Variants in KIF13B observed in about 807,000 individuals in gnomAD.
KIF13B encodes the protein kinesin-like protein KIF13B.
In KIF13B, 127 loss-of-function variants were observed where a neutral mutation model predicts 222.0. The observed-to-expected ratio is 0.57, with a 90% CI of 0.50 to 0.66. The LOEUF (loss-of-function observed/expected upper bound fraction) is 0.66. Among genes scored for constraint, KIF13B ranks in the 30% least tolerant of loss-of-function variants. The probability of loss-of-function intolerance (pLI) is 0.00; values close to 1 mark genes in which losing one functional copy is unlikely to be tolerated. For synonymous variants in KIF13B, 976 were observed against 919.0 expected (o/e 1.06, Z -1.12); for missense variants, 2,173 against 2,379.0 (o/e 0.91, Z 1.80).
chr8:29,133,410 GA>G (rs1196962826), intron 22 of KIF13B, among the ~76,000 whole-genome samples: 2 of 152,182 alleles, frequency 1.3e-5, no homozygotes, highest in African/African-American at 4.8e-5. Context: ...CCAACACGGT[GA>G]AACCTTGTCT....
At chr8:29,183,686 A>C (rs1021974084) in intron 6 of KIF13B, among the ~76,000 whole-genome samples, 2 of 152,332 alleles carry the variant, frequency 1.3e-5, no homozygotes, top group Non-Finnish European at 2.9e-5. Context: ...AGTTCCTAGC[A>C]CAAGTCCTGG....
In KIF13B at chr8:29,187,997, C is replaced by T. The variant is rs148611787; in HGVS notation, c.316+518G>A. Among the ~76,000 whole-genome samples, 141 of 152,324 alleles carry T rather than the reference C, an allele frequency of 9.3e-4. 1 individual carries two copies. In the East Asian group the frequency reaches 0.022, roughly 23 times the overall value. The stretch of plus-strand genomic sequence containing the variant: ...AGCTTTCTGCCCTTTCAACACGACA[C>T]ATGAGGCTTCTTGAAAATATCCAAC... On this transcript the variant is annotated intron_variant, in intron 5 of 39. Transcript: ENST00000524189.
In KIF13B at chr8:29,263,030, C is replaced by T. The variant is rs1816746595; in HGVS notation, c.5G>A (p.Gly2Glu). 1 of 1,596,364 alleles carries T rather than the reference C, an allele frequency of 6.3e-7. No homozygotes were observed. Among genetic ancestry groups the T allele is most frequent in the Non-Finnish European group, 8.5e-7 (1 of 1,173,128 alleles). The stretch of plus-strand genomic sequence containing the variant: ...CACCGCCACTTTCACTTTGGAGTCC[C>T]CCATCCTGCAGCCGCCGAGGAACTC... MGDSKVKVAVRI... is the reference protein window; with the variant it reads MEDSKVKVAVRI... The change falls in exon 1 of 40, where the codon GGG (glycine) becomes GAG (glutamate). Residue 2 changes from glycine (G) to glutamate (E), a missense_variant. Gly to Glu is a moderately conservative substitution (Grantham distance 98, BLOSUM62 -2). Transcript: ENST00000524189.
chr8:29,175,479 T>C (rs1190045252), intron 10 of KIF13B, among the ~76,000 whole-genome samples: 1 of 152,228 alleles, frequency 6.6e-6, no homozygotes, highest in Non-Finnish European at 1.5e-5. Flanking sequence ...CCACCGCACA[T>C]TGGCTTTCTT....
At chr8:29,167,028 T>C (rs559241773) in intron 11 of KIF13B, among the ~76,000 whole-genome samples, 1 of 152,298 alleles carries the variant, frequency 6.6e-6, no homozygotes, top group Admixed American at 6.5e-5. Context: ...CTCTCCATCA[T>C]TTTCTGCACA....
At chr8:29,143,426 A>T (rs775903049) in intron 18 of KIF13B, among the ~76,000 whole-genome samples, 2 of 152,270 alleles carry the variant, frequency 1.3e-5, no homozygotes, top group Non-Finnish European at 2.9e-5. Context: ...ACGTGGAAGC[A>T]ATTAATGATA....
chr8:29,075,286 C>T lies in KIF13B; in HGVS notation c.4516G>A (p.Glu1506Lys). ...ASPDIRVTRM[E>K]EAQPEMGPDV... ...CCGTGACCCAACAGACTCACCTCCT[C>T]CATCCTGGTCACCCTGATGTCCGGG... The change falls in exon 38 of 40, where the codon GAG (glutamate) becomes AAG (lysine). Residue 1506 changes from glutamate to lysine, a missense_variant. By Grantham distance (56) the Glu-to-Lys change is moderately conservative. This residue lies in a region of KIF13B where 693 missense variants were observed against 656.2 expected (regional missense o/e 1.06). Coordinates refer to ENST00000524189, the MANE Select transcript of KIF13B (RefSeq NM_015254.4). The T allele has an allele frequency of 6.4e-7, 1 of 1,555,818 alleles. No individual in the cohort carries two copies. Among genetic ancestry groups the T allele is most frequent in the Admixed American group, 1.9e-5 (1 of 51,702 alleles).
chr8:29,186,158 T>C (rs1812916644), intron 6 of KIF13B, 134 bp downstream of exon 6: 2 of 662,778 alleles, frequency 3.0e-6, no homozygotes, highest in Admixed American at 2.7e-5. Flanking sequence ...AAGTAAGCTA[T>C]GATTGTGCCA....
intron 21 of KIF13B, among the ~76,000 whole-genome samples, chr8:29,138,329 T>C (rs1810657034): frequency 6.6e-6 from 1 of 152,116 alleles, no homozygotes; most frequent in Non-Finnish European, 1.5e-5. Context: ...AGCCAGACTC[T>C]GTCTCAAAAA....
chr8:29,155,861 G>A lies in KIF13B; in HGVS notation c.1405-5C>T, dbSNP rs534222046. Reference sequence around the variant, plus strand: ...TGACCCTATCAATGTATGTTCCTAAGAAAAAACCAAATTCACTGATTAATA... The same window carrying A: ...TGACCCTATCAATGTATGTTCCTAAAAAAAAACCAAATTCACTGATTAATA... On this transcript the variant is annotated splice_polypyrimidine_tract_variant and splice_region_variant and intron_variant, in intron 13 of 39. Transcript: ENST00000524189. 8.9e-5 allele frequency: 139 copies of A among 1,561,762 alleles called. No individual in the cohort carries two copies. The highest frequency in any genetic ancestry group is 7.0e-4 in the Middle Eastern group (4 of 5,750).
chr8:29,105,019 T>C (rs1586783228), intron 35 of KIF13B, among the ~76,000 whole-genome samples: 1 of 151,562 alleles, frequency 6.6e-6, no homozygotes, highest in South Asian at 2.1e-4. Context: ...CAGGCTGGAG[T>C]GCAATGGTGC....
chr8:29,139,359 C>T (rs954494559), intron 21 of KIF13B, among the ~76,000 whole-genome samples: 2 of 152,052 alleles, frequency 1.3e-5, no homozygotes, highest in African/African-American at 4.8e-5. Flanking sequence ...TTAAAATGGG[C>T]CATTGTGGGG....
chr8:29,087,143 T>C (rs779806433), intron 37 of KIF13B, among the ~76,000 whole-genome samples: 13 of 152,300 alleles, frequency 8.5e-5, no homozygotes, highest in African/African-American at 2.2e-4. Context: ...ATTTCCATAA[T>C]GTATATAACA....
intron 10 of KIF13B, among the ~76,000 whole-genome samples, chr8:29,172,406 A>C (rs1169051161): frequency 2.0e-5 from 3 of 152,164 alleles, no homozygotes; most frequent in Non-Finnish European, 4.4e-5. Flanking sequence ...TTAAGGAAAA[A>C]GATAATGACA....
intron 2 of KIF13B, among the ~76,000 whole-genome samples, chr8:29,208,282 A>G (rs1814047263): frequency 6.6e-6 from 1 of 152,246 alleles, no homozygotes; most frequent in Non-Finnish European, 1.5e-5. Flanking sequence ...AGTGCTATTT[A>G]AACATATGTG....
intron 1 of KIF13B, among the ~76,000 whole-genome samples, chr8:29,260,400 CCT>C (rs1816636423): frequency 6.6e-6 from 1 of 152,202 alleles, no homozygotes; most frequent in African/African-American, 2.4e-5. Context: ...TCATCCCCGT[CCT>C]CTTTTATAGA....
chr8:29,139,477 C>T (rs1810710516), intron 21 of KIF13B, among the ~76,000 whole-genome samples: 1 of 152,112 alleles, frequency 6.6e-6, no homozygotes, highest in African/African-American at 2.4e-5. Flanking sequence ...TAAGATTCCT[C>T]CCCCTTCCTA....
At chr8:29,203,686 T>A (rs1333663568) in intron 2 of KIF13B, among the ~76,000 whole-genome samples, 1 of 150,576 alleles carries the variant, frequency 6.6e-6, no homozygotes, top group Non-Finnish European at 1.5e-5. Context: ...AGGTCAGGAG[T>A]TCGAGACCAG....
At chr8:29,250,755 A>T (rs1816247465) in intron 1 of KIF13B, among the ~76,000 whole-genome samples, 1 of 152,262 alleles carries the variant, frequency 6.6e-6, no homozygotes, top group South Asian at 2.1e-4. Context: ...AAATAAAGGC[A>T]GTGAGATCTG....
Sources: gnomAD v4.1 joint callset for allele counts (sites outside exome capture counted in the v4.1 genomes callset) on GRCh38, gnomAD v4.1.1 for gene constraint, gnomAD v4.1.1 regional missense constraint, MANE v1.5 for transcripts, NCBI Gene and HGNC (gene_info 2026-07-23, HGNC 2026-07-21) for gene names.